The following AFF3 variants were observed in gnomAD, a reference collection of about 807,000 sequenced individuals.
AFF3 encodes the protein AF4/FMR2 family member 3.
Under a neutral mutation model 129.7 loss-of-function variants are expected in AFF3, and 32 were observed. The ratio of observed to expected loss-of-function variants is 0.25; its 90% confidence interval spans 0.19 to 0.33. The LOEUF (loss-of-function observed/expected upper bound fraction) is 0.33, where lower values mean the gene tolerates loss of function less well. Ranked by LOEUF, AFF3 falls within the 10% of genes least tolerant of loss-of-function variation. The pLI, the probability that AFF3 is intolerant of heterozygous loss-of-function variation, is 1.00. For synonymous variants in AFF3, 644 were observed against 635.4 expected (o/e 1.01, Z -0.20); for missense variants, 1,373 against 1,592.0 (o/e 0.86, Z 2.34).
chr2:99,699,881 A>T (rs115099976), intron 11 of AFF3, among the ~76,000 whole-genome samples: 119 of 152,306 alleles, frequency 7.8e-4, no homozygotes, highest in African/African-American at 2.8e-3. Flanking sequence ...GATTCTAACC[A>T]ATCGCATTCT....
chr2:100,065,464 A>G (rs1452434087), intron 4 of AFF3, among the ~76,000 whole-genome samples: 1 of 152,244 alleles, frequency 6.6e-6, no homozygotes, highest in Non-Finnish European at 1.5e-5. Context: ...AAAGATCATT[A>G]TCTCTAAAAG....
In AFF3 at chr2:99,626,030, G is replaced by A. The variant is rs114979456; in HGVS notation, c.1184+23596C>T. Among the ~76,000 whole-genome samples the A allele has an allele frequency of 7.7e-4, 118 of 152,322 alleles. 3 individuals are homozygous for A. In the East Asian group the frequency reaches 0.014, roughly 18 times the overall value. On this transcript the variant is annotated intron_variant, in intron 13 of 24. Coordinates refer to ENST00000672756, the MANE Select transcript of AFF3 (RefSeq NM_001386135.1). Reference sequence around the variant, plus strand: ...GCGTTCCAGTTCAGGTATAGAGAACGCAGTTACTGAAGGGTCTTCAGTTCA... The same window carrying A: ...GCGTTCCAGTTCAGGTATAGAGAACACAGTTACTGAAGGGTCTTCAGTTCA...
At chr2:99,950,980 G>A (rs1194695817) in intron 7 of AFF3, among the ~76,000 whole-genome samples, 1 of 152,164 alleles carries the variant, frequency 6.6e-6, no homozygotes, top group Non-Finnish European at 1.5e-5. Context: ...GTGTCCACAA[G>A]GGGCTGCATA....
intron 13 of AFF3, among the ~76,000 whole-genome samples, chr2:99,615,102 G>A (rs990995641): frequency 1.3e-5 from 2 of 152,198 alleles, no homozygotes; most frequent in Non-Finnish European, 2.9e-5. Context: ...CTTTGAATGG[G>A]GCAGAGCCCT....
chr2:99,936,015 T>C (rs1345675256), intron 7 of AFF3, among the ~76,000 whole-genome samples: 1 of 151,634 alleles, frequency 6.6e-6, no homozygotes, highest in Non-Finnish European at 1.5e-5. Flanking sequence ...CAGGAGGAGG[T>C]AGGAAGTAAG....
At chr2:99,735,279 A>G (rs1680158449) in intron 10 of AFF3, among the ~76,000 whole-genome samples, 1 of 151,810 alleles carries the variant, frequency 6.6e-6, no homozygotes, top group East Asian at 1.9e-4. Flanking sequence ...GTCCTGATCA[A>G]TCTCTCTGCA....
chr2:99,665,622 G>A lies in AFF3; in HGVS notation c.1143+6916C>T, dbSNP rs188856354. Among the ~76,000 whole-genome samples the A allele has an allele frequency of 4.1e-3, 618 of 152,310 alleles. 4 individuals are homozygous for A. The highest frequency in any genetic ancestry group is 0.017 in the Middle Eastern group (5 of 294). ...AAGTGGAAAAGTAAAGTAGGTTTGC[G>A]GTTCAGAAGAGAGTTCTGAGCTGGG... On this transcript the variant is annotated intron_variant, in intron 12 of 24. Transcript: ENST00000672756.
intron 4 of AFF3, among the ~76,000 whole-genome samples, chr2:100,055,544 TGAG>T (rs1686698106): frequency 6.6e-6 from 1 of 151,438 alleles, no homozygotes; most frequent in South Asian, 2.1e-4. Context: ...TTGGAGGGGC[TGAG>T]GAGGAAAGAT....
chr2:99,672,056 G>T (rs1687187882), intron 12 of AFF3, among the ~76,000 whole-genome samples: 1 of 151,838 alleles, frequency 6.6e-6, no homozygotes, highest in Non-Finnish European at 1.5e-5. Flanking sequence ...CTCTACATTT[G>T]CTCCTTCTCA....
intron 13 of AFF3, among the ~76,000 whole-genome samples, chr2:99,617,142 A>G (rs1558651160): frequency 6.6e-6 from 1 of 152,214 alleles, no homozygotes; most frequent in Non-Finnish European, 1.5e-5. Flanking sequence ...TTGTGCGAAC[A>G]TACGTTTTCA....
rs78623282 is a variant in AFF3, at chr2:99,587,307, G to T, written c.2467-29C>A. On this transcript the variant is annotated intron_variant, in intron 15 of 24. Coordinates refer to ENST00000672756, the MANE Select transcript of AFF3 (RefSeq NM_001386135.1). ...TATGGGAATAAACTAAAGTCAATCA[G>T]CACTGGATTTCAAGAGGTATTATGA... 9.0e-5 allele frequency: 145 copies of T among 1,612,986 alleles called. 1 individual carries two copies. The African/African-American group carries it at 1.7e-3, about 19-fold the overall frequency.
rs554971819 is a variant in AFF3 at position 99,865,732 on chromosome 2, T to C, written c.874-28208A>G. 2.0e-5 allele frequency among the ~76,000 whole-genome samples: 3 copies of C among 152,270 alleles called. No homozygotes were observed. In the South Asian group the frequency reaches 6.2e-4, roughly 32 times the overall value. ...ACAACCCTGTTTACAGACCAAAGGC[T>C]CCAGATGTCATCCATTAGGAAGGTG... On this transcript the variant is annotated intron_variant, in intron 7 of 24. Transcript: ENST00000672756.
intron 2 of AFF3, among the ~76,000 whole-genome samples, chr2:100,125,842 C>A (rs1039235403): frequency 6.6e-6 from 1 of 152,044 alleles, no homozygotes; most frequent in African/African-American, 2.4e-5. Context: ...GGGTGGGTGA[C>A]AGGCTCCGCG....
At chr2:99,754,753 C>G (rs1681948181) in intron 8 of AFF3, among the ~76,000 whole-genome samples, 1 of 152,154 alleles carries the variant, frequency 6.6e-6, no homozygotes. Flanking sequence ...AGCTGTGATT[C>G]TTAAGGGTGG....
intron 8 of AFF3, among the ~76,000 whole-genome samples, chr2:99,761,475 C>T (rs1011164809): frequency 1.3e-5 from 2 of 152,188 alleles, no homozygotes; most frequent in East Asian, 1.9e-4. Flanking sequence ...GCACAATGCC[C>T]TCCATGTAGC....
chr2:99,979,737 C>A (rs1420590351), intron 7 of AFF3, among the ~76,000 whole-genome samples: 1 of 152,172 alleles, frequency 6.6e-6, no homozygotes, highest in African/African-American at 2.4e-5. Context: ...CCCTCTTGGG[C>A]CTCCCAAAGC....
chr2:99,665,704 G>C (rs181563699), intron 12 of AFF3, among the ~76,000 whole-genome samples: 5 of 152,340 alleles, frequency 3.3e-5, no homozygotes, highest in African/African-American at 1.2e-4. Flanking sequence ...GAATGGGTGA[G>C]ATCACCCAGA....
intron 4 of AFF3, among the ~76,000 whole-genome samples, chr2:100,061,326 AAAAAT>A (rs1390767014): frequency 6.6e-6 from 1 of 152,216 alleles, no homozygotes; most frequent in Non-Finnish European, 1.5e-5. Flanking sequence ...TGGCATTAAA[AAAAAT>A]AAAACAACAT....
chr2:99,696,089 A>C (rs1676239322), intron 11 of AFF3, among the ~76,000 whole-genome samples: 1 of 152,038 alleles, frequency 6.6e-6, no homozygotes, highest in Admixed American at 6.5e-5. Context: ...TGACAGCCTC[A>C]GACAACAGTT....
Sources: allele counts gnomAD v4.1 joint callset (sites outside exome capture counted in the v4.1 genomes callset), GRCh38; gene constraint gnomAD v4.1.1; transcripts MANE v1.5; gene names NCBI Gene and HGNC (gene_info 2026-07-23, HGNC 2026-07-21).